Variants in EML1 observed in about 807,000 individuals in gnomAD.
EML1 encodes the protein EMAP like 1, also known as echinoderm microtubule-associated protein-like 1.
EML1 carries 27 observed loss-of-function variants against 110.4 expected under a neutral mutation model. The observed-to-expected ratio is 0.24, with a 90% CI of 0.18 to 0.34. The LOEUF (loss-of-function observed/expected upper bound fraction) is 0.34. Ranked by LOEUF, EML1 falls within the 10% of genes least tolerant of loss-of-function variation. The pLI, the probability that EML1 is intolerant of heterozygous loss-of-function variation, is 1.00. For synonymous variants in EML1, 344 were observed against 385.8 expected (o/e 0.89, Z 1.27); for missense variants, 741 against 1,030.9 (o/e 0.72, Z 3.85).
intron 1 of EML1, among the ~76,000 whole-genome samples, chr14:99,839,413 G>A (rs1054463713): frequency 2.6e-5 from 4 of 152,132 alleles, no homozygotes; most frequent in Non-Finnish European, 2.9e-5. Context: ...TGGGAAGATC[G>A]CATTGCCCGG....
chr14:99,919,457 C>T (rs2060094129), intron 16 of EML1, among the ~76,000 whole-genome samples: 1 of 151,102 alleles, frequency 6.6e-6, no homozygotes, highest in Non-Finnish European at 1.5e-5. Flanking sequence ...CACACACACA[C>T]ACACACTCCA....
At position 99,827,983 on chromosome 14, in the gene EML1, A is replaced by G. The variant is rs1031360186; in HGVS notation, c.68-22870A>G. 5.9e-5 allele frequency among the ~76,000 whole-genome samples: 9 copies of G among 152,052 alleles called. No individual in the cohort carries two copies. Among genetic ancestry groups the G allele is most frequent in the African/African-American group, 2.2e-4 (9 of 41,404 alleles). ...CCTGTGAATGAAATGGAGGGAATTG[A>G]AGATTTCGGTGTGCTTGCAGTCTAG... On this transcript the variant is annotated intron_variant, in intron 1 of 21. Transcript: ENST00000262233. This position sits in a 1 kb window ranked among gnomAD's most constrained non-coding sequence, Gnocchi z 4.4.
At chr14:99,761,924 CAAAA>C (rs35254638) in intron 1 of EML1, among the ~76,000 whole-genome samples, 4 of 127,342 alleles carry the variant, frequency 3.1e-5, no homozygotes, top group Admixed American at 7.9e-5. Context: ...GACTCTGTCT[CAAAA>C]AAAAAAAAAA....
chr14:99,834,858 C>T (rs955066026), intron 1 of EML1, among the ~76,000 whole-genome samples: 4 of 152,138 alleles, frequency 2.6e-5, no homozygotes, highest in Admixed American at 6.5e-5. Context: ...GTGACTCTGT[C>T]GCCTAGGCTG....
At chr14:99,933,428 A>G (rs2060409780) in intron 17 of EML1, among the ~76,000 whole-genome samples, 1 of 152,150 alleles carries the variant, frequency 6.6e-6, no homozygotes, top group African/African-American at 2.4e-5. Context: ...TGCCCACCTC[A>G]GCCTTCCAAA....
intron 1 of EML1, among the ~76,000 whole-genome samples, chr14:99,818,150 A>T (rs1259306078): frequency 6.6e-6 from 1 of 152,154 alleles, no homozygotes. Flanking sequence ...CCAAAGAAGT[A>T]TCTGGAGGCC....
intron 1 of EML1, chr14:99,838,939 G>GCA (rs1225432098): frequency 6.6e-6 from 1 of 151,738 alleles, no homozygotes; most frequent in African/African-American, 2.4e-5. Context: ...GTGCGCGCGC[G>GCA]CGTGCATGTT....
chr14:99,782,577 C>T (rs190022279), intron 1 of EML1, among the ~76,000 whole-genome samples: 1 of 152,110 alleles, frequency 6.6e-6, no homozygotes, highest in African/African-American at 2.4e-5. Context: ...TGATGAAGAA[C>T]CGGTGACCAA....
At chr14:99,770,200 A>G (rs1378870393), upstream of EML1, among the ~76,000 whole-genome samples, 1 of 152,164 alleles carries the variant, frequency 6.6e-6, no homozygotes, top group Non-Finnish European at 1.5e-5. Flanking sequence ...AAAACAAGAG[A>G]CATTTATTGC....
At chr14:99,886,986 T>C (rs751853261) in intron 4 of EML1, among the ~76,000 whole-genome samples, 2 of 152,232 alleles carry the variant, frequency 1.3e-5, no homozygotes, top group Admixed American at 6.5e-5. Context: ...GACATACGTG[T>C]TCACAGCTGC....
rs368044152 is a variant in EML1, at chr14:99,796,936, T to TGTGTGTGTGTGAGAGA, written c.67+3394_67+3395insTGTGTGTGTGAGAGAG. On this transcript the variant is annotated intron_variant, in intron 1 of 21. Coordinates refer to ENST00000262233, the MANE Select transcript of EML1 (RefSeq NM_004434.3). Reference sequence around the variant, plus strand: ...GTGTGTGTGTGTGTGTGTGTGTGTGTGAGAGAGTAATAGCTTTATTGAAAT... The same window carrying TGTGTGTGTGTGAGAGA: ...GTGTGTGTGTGTGTGTGTGTGTGTGTGTGTGTGTGTGAGAGAGAGAGAGTAATAGCTTTATTGAAAT... Among the ~76,000 whole-genome samples the TGTGTGTGTGTGAGAGA allele has an allele frequency of 5.3e-3, 803 of 150,126 alleles. 10 individuals carry two copies. The highest frequency in any genetic ancestry group is 0.01 in the African/African-American group (418 of 40,868).
chr14:99,919,398 C>CCA (rs1566937733), intron 16 of EML1, among the ~76,000 whole-genome samples: 1 of 130,996 alleles, frequency 7.6e-6, no homozygotes, highest in South Asian at 2.6e-4. Context: ...GTTTGTATAG[C>CCA]CACACACACA....
chr14:99,939,207 A>G lies in EML1; in HGVS notation c.2202A>G (p.Pro734=), dbSNP rs1430440766. ...TLGFHVFGVW[P]EGSDGTDINA... Reference sequence around the variant, plus strand: ...TGGTCTTTGTTTTAGGAGTGTGGCCAGAAGGCTCGGACGGAACCGACATCA... The same window carrying G: ...TGGTCTTTGTTTTAGGAGTGTGGCCGGAAGGCTCGGACGGAACCGACATCA... The change falls in exon 21 of 22, where the codon CCA becomes CCG. Residue 734 remains proline (P), a synonymous_variant. Coordinates refer to ENST00000262233, the MANE Select transcript of EML1 (RefSeq NM_004434.3). This position sits in a 1 kb window ranked among gnomAD's most constrained non-coding sequence, Gnocchi z 4.2. 1.9e-6 allele frequency: 3 copies of G among 1,614,068 alleles called. No individual in the cohort carries two copies. Among genetic ancestry groups the G allele is most frequent in the East Asian group, 2.2e-5 (1 of 44,892 alleles).
chr14:99,814,394 C>T (rs868219636), intron 1 of EML1, among the ~76,000 whole-genome samples: 18 of 152,050 alleles, frequency 1.2e-4, no homozygotes, highest in African/African-American at 4.4e-4. Context: ...TCACAAGTAG[C>T]TAGACTACAA....
intron 1 of EML1, among the ~76,000 whole-genome samples, chr14:99,824,987 C>G (rs2058328613): frequency 6.6e-6 from 1 of 152,040 alleles, no homozygotes. Flanking sequence ...ATTCCAGGGT[C>G]ATTTTTATTT....
chr14:99,751,476 G>A (rs1427169572), intron 1 of EML1, among the ~76,000 whole-genome samples: 1 of 152,198 alleles, frequency 6.6e-6, no homozygotes, highest in Non-Finnish European at 1.5e-5. Flanking sequence ...GTCCTTGGGG[G>A]CAGACTCTTG....
chr14:99,872,671 T>C (rs2059225367), intron 3 of EML1, among the ~76,000 whole-genome samples: 1 of 152,220 alleles, frequency 6.6e-6, no homozygotes, highest in South Asian at 2.1e-4. Context: ...ATAAGAACAG[T>C]AGCATCTAAT....
In EML1 at chr14:99,938,998, C is replaced by T. The variant is rs993447201; in HGVS notation, c.2192-199C>T. Among the ~76,000 whole-genome samples the T allele has an allele frequency of 3.9e-5, 6 of 152,198 alleles. No homozygotes were observed. The East Asian group carries it at 5.8e-4, about 15-fold the overall frequency. ...GCACAGCAGAGCATCAGAGGGTCTC[C>T]GAGACTGGCCTGAGTGAGAGGAGAC... is the stretch of plus-strand genomic sequence containing the variant. On this transcript the variant is annotated intron_variant, in intron 20 of 21. Transcript: ENST00000262233.
chr14:99,879,818 C>T (rs1418625562), intron 4 of EML1, among the ~76,000 whole-genome samples: 1 of 152,048 alleles, frequency 6.6e-6, no homozygotes, highest in East Asian at 1.9e-4. Context: ...GCAACGTAGC[C>T]CAAAGCTTCT....
Sources: gnomAD v4.1 joint callset for allele counts (sites outside exome capture counted in the v4.1 genomes callset) on GRCh38, gnomAD v4.1.1 for gene constraint, Gnocchi (gnomAD v3.1) non-coding constraint, MANE v1.5 for transcripts, NCBI Gene and HGNC (gene_info 2026-07-23, HGNC 2026-07-21) for gene names.